The following MYH10 variants were observed in gnomAD, a reference collection of about 807,000 sequenced individuals.
MYH10 encodes myosin heavy chain 10, also known as myosin-10.
MYH10 carries 55 observed loss-of-function variants against 257.8 expected under a neutral mutation model. The ratio of observed to expected loss-of-function variants is 0.21; its 90% CI spans 0.17 to 0.27. MYH10 has a LOEUF of 0.27. MYH10 is among the 10% of genes least tolerant of loss of function. The pLI, the probability that MYH10 is intolerant of heterozygous loss-of-function variation, is 1.00. For synonymous variants in MYH10, 854 were observed against 921.7 expected (o/e 0.93, Z 1.33); for missense variants, 1,631 against 2,500.6 (o/e 0.65, Z 7.42).
At chr17:8,553,114 C>T (rs940037467) in intron 8 of MYH10, among the ~76,000 whole-genome samples, 2 of 152,192 alleles carry the variant, frequency 1.3e-5, no homozygotes, top group African/African-American at 4.8e-5. Context: ...GACTATCCCA[C>T]ACATCCTCCA....
At chr17:8,498,137 C>T (rs1392074892) in intron 30 of MYH10, among the ~76,000 whole-genome samples, 1 of 151,802 alleles carries the variant, frequency 6.6e-6, no homozygotes, top group East Asian at 2.0e-4. Flanking sequence ...TGTGCACCAC[C>T]ACACCTGGCC....
At chr17:8,480,643 C>G (rs1469595031) in intron 38 of MYH10, 118 bp from the exon 39 acceptor site, 4 of 1,374,546 alleles carry the variant, frequency 2.9e-6, no homozygotes, top group Non-Finnish European at 4.0e-6. Flanking sequence ...CCTGAATTTT[C>G]TCTTTCCCCT....
At chr17:8,572,425 G>A (rs2083380866) in intron 6 of MYH10, among the ~76,000 whole-genome samples, 1 of 152,102 alleles carries the variant, frequency 6.6e-6, no homozygotes, top group South Asian at 2.1e-4. Context: ...AGGTTCCACG[G>A]GTGTCCAACT....
At position 8,493,727 on chromosome 17, in the gene MYH10, G is replaced by A. The variant is rs200627553; in HGVS notation, c.4209+6C>T. 134 of 1,611,368 alleles carry A rather than the reference G, an allele frequency of 8.3e-5. No individual in the cohort carries two copies. Among genetic ancestry groups the A allele is most frequent in the East Asian group, 2.2e-5 (1 of 44,856 alleles). ...GCCACCGCGGCCTCCTAAAGAGGAC[G>A]CACACCTGGGACTGCAGGGCCAGCA... is the stretch of plus-strand genomic sequence containing the variant. On this transcript the variant is annotated splice_donor_region_variant and intron_variant, in intron 32 of 42. Transcript: ENST00000360416.
Position 8,489,074 on chromosome 17 carries a change from T to G in MYH10, c.4884+1266A>C, listed in dbSNP as rs116947685. Among the ~76,000 whole-genome samples the G allele has an allele frequency of 5.2e-3, 791 of 152,198 alleles. 4 individuals are homozygous for G. The highest frequency in any genetic ancestry group is 7.2e-3 in the Non-Finnish European group (489 of 67,990). On this transcript the variant is annotated intron_variant, in intron 35 of 42. Transcript: ENST00000360416. ...CCGGAAGCTTCCTCCTTGCTTGCTT[T>G]CTTTTGGATCTCTCACTCTCCTGAA...
rs1440296256 is a variant in MYH10, at chr17:8,546,635, C to T, written c.1187G>A (p.Gly396Glu). The T allele has an allele frequency of 4.6e-5, 74 of 1,613,806 alleles. No homozygotes were observed. The highest frequency in any genetic ancestry group is 6.3e-5 in the Non-Finnish European group (74 of 1,179,930). Residue 396 changes from glycine to glutamate, a missense_variant, in exon 12 of 43, where the codon GGG becomes GAG. Around this residue, in one of 11 missense-constraint regions of MYH10, gnomAD observed 360 missense variants for 581.9 expected, o/e 0.62. Transcript: ENST00000360416. ...CCGAGTAAACTCCATCACATTCATC[C>T]CAAGAAGATGGCAGAGCTTCTGCGC... ...TVAQKLCHLLGMNVMEFTRAI... is the reference protein window; with the variant it reads ...TVAQKLCHLLEMNVMEFTRAI...
intron 3 of MYH10, among the ~76,000 whole-genome samples, chr17:8,595,903 T>C (rs544828431): frequency 6.6e-5 from 10 of 152,312 alleles, no homozygotes; most frequent in South Asian, 6.2e-4. Flanking sequence ...TGACATAAAA[T>C]AATGCTCTTT....
chr17:8,588,982 A>ATT (rs2084018664), intron 4 of MYH10, 99 bp downstream of exon 4: 1 of 1,145,850 alleles, frequency 8.7e-7, no homozygotes, highest in Non-Finnish European at 1.3e-6. Context: ...CAAACTCTTA[A>ATT]AAATTACTGC....
At chr17:8,583,103 C>A (rs1324733534) in intron 4 of MYH10, among the ~76,000 whole-genome samples, 1 of 152,184 alleles carries the variant, frequency 6.6e-6, no homozygotes, top group East Asian at 1.9e-4. Flanking sequence ...ACTCAAGTCT[C>A]CCCTATCGCA....
chr17:8,486,591 T>A (rs1207245216), intron 36 of MYH10, among the ~76,000 whole-genome samples: 1 of 149,282 alleles, frequency 6.7e-6, no homozygotes. Context: ...TGGAAACAAG[T>A]TCCTACCAAC....
At chr17:8,505,238 A>G (rs2081036687) in intron 27 of MYH10, among the ~76,000 whole-genome samples, 1 of 152,266 alleles carries the variant, frequency 6.6e-6, no homozygotes, top group African/African-American at 2.4e-5. Context: ...CTCTGAAGTC[A>G]AAGGCTGTTA....
chr17:8,577,808 G>A lies in MYH10; in HGVS notation c.531-470C>T, dbSNP rs565206251. ...TGGCCTTTTAAAGCACTGGGATTAC[G>A]GGCCTGAGCCACTGTGCCCAGCCAA... On this transcript the variant is annotated intron_variant, in intron 4 of 42. Transcript: ENST00000360416. Among the ~76,000 whole-genome samples, 6 of 152,106 alleles carry A rather than the reference G, an allele frequency of 3.9e-5. No homozygotes were observed. In the East Asian group the frequency reaches 9.6e-4, roughly 24 times the overall value.
In MYH10 at chr17:8,520,985, A is replaced by T; in HGVS notation, c.2166T>A (p.Asp722Glu). ...PNHEKRAGKLDPHLVLDQLRC... is the reference protein window; with the variant it reads ...PNHEKRAGKLEPHLVLDQLRC... ...GAAGCTGATCTAGGACTAGGTGTGGATCCAATTTTCCAGCCTAATCAAGCA... is the reference window on the plus strand; with the variant it reads ...GAAGCTGATCTAGGACTAGGTGTGGTTCCAATTTTCCAGCCTAATCAAGCA... Residue 722 changes from aspartate (D) to glutamate (E), a missense_variant, in exon 19 of 43, where the codon GAT becomes GAA. Asp to Glu is a conservative substitution (Grantham distance 45, BLOSUM62 2). Coordinates refer to ENST00000360416, the MANE Select transcript of MYH10 (RefSeq NM_001256012.3). The T allele has an allele frequency of 6.2e-7, 1 of 1,612,096 alleles. No homozygotes were observed. The highest frequency in any genetic ancestry group is 8.5e-7 in the Non-Finnish European group (1 of 1,178,340).
intron 41 of MYH10, 174 bp downstream of exon 41, chr17:8,478,164 G>A (rs1353744662): frequency 1.8e-5 from 11 of 617,048 alleles, no homozygotes; most frequent in South Asian, 7.8e-5. Context: ...TGCTCTCCCC[G>A]CCCTCCTGTG....
intron 21 of MYH10, among the ~76,000 whole-genome samples, chr17:8,518,195 C>CCATCTTGG (rs1282376736): frequency 3.3e-5 from 5 of 150,780 alleles, no homozygotes; most frequent in African/African-American, 9.8e-5. Flanking sequence ...TGCAGTGGTA[C>CCATCTTGG]CATCTTGGCT....
At position 8,623,276 on chromosome 17, in the gene MYH10, C is replaced by A; in HGVS notation, c.-30G>T. 6.5e-7 allele frequency: 1 copy of A among 1,547,350 alleles called. No individual in the cohort carries two copies. Among genetic ancestry groups the A allele is most frequent in the South Asian group, 1.2e-5 (1 of 82,180 alleles). On this transcript the variant is annotated splice_region_variant and 5_prime_UTR_variant, in exon 2 of 43. The change creates a new upstream start codon in the 5' untranslated region. Transcript: ENST00000360416. ...AATGGAACGATCCAAAAGCAATTGC[C>A]TCTAAGAGAAGAGGAGGAGGGCAAA...
At chr17:8,620,241 T>C (rs1171242236) in intron 2 of MYH10, among the ~76,000 whole-genome samples, 2 of 152,210 alleles carry the variant, frequency 1.3e-5, no homozygotes, top group African/African-American at 4.8e-5. Flanking sequence ...GATGTAATTA[T>C]TTTAAAAATG....
intron 2 of MYH10, among the ~76,000 whole-genome samples, chr17:8,607,510 A>G (rs1177024215): frequency 1.3e-5 from 2 of 152,238 alleles, no homozygotes; most frequent in Admixed American, 6.5e-5. Context: ...GCAGTAATCA[A>G]TGCTTAAGAA....
intron 25 of MYH10, among the ~76,000 whole-genome samples, chr17:8,509,421 T>G (rs774191883): frequency 2.6e-5 from 4 of 152,212 alleles, no homozygotes; most frequent in Non-Finnish European, 5.9e-5. Context: ...CACACGACTG[T>G]ACTCCAAAAG....
Sources: allele counts gnomAD v4.1 joint callset (sites outside exome capture counted in the v4.1 genomes callset), GRCh38; gene constraint gnomAD v4.1.1; regional missense constraint gnomAD v4.1.1; transcripts MANE v1.5; gene names NCBI Gene and HGNC (gene_info 2026-07-23, HGNC 2026-07-21).